ATP6V1E2: variants seen among roughly 807,000 people sequenced by gnomAD.
The protein encoded by ATP6V1E2 is V-type proton ATPase subunit E 2.
For missense variants in ATP6V1E2, 308 were observed against 273.3 expected (o/e 1.13, Z -0.90); for synonymous variants, 121 against 104.2 (o/e 1.16, Z -0.98).
intron 2 of ATP6V1E2, among the ~76,000 whole-genome samples, chr2:46,540,816 A>C (rs1667718007): frequency 6.6e-6 from 1 of 152,022 alleles, no homozygotes; most frequent in South Asian, 2.1e-4. Flanking sequence ...TATTCCTGGC[A>C]GTCAGTTTTG....
chr2:46,527,240 G>C (rs959626865), intron 4 of ATP6V1E2, among the ~76,000 whole-genome samples: 3 of 151,664 alleles, frequency 2.0e-5, no homozygotes, highest in African/African-American at 7.3e-5. Flanking sequence ...ATTTATTTTT[G>C]AGACAGAGTC....
At chr2:46,517,685 A>T (rs1376303039) in intron 4 of ATP6V1E2, among the ~76,000 whole-genome samples, 1 of 152,270 alleles carries the variant, frequency 6.6e-6, no homozygotes, top group Non-Finnish European at 1.5e-5. Context: ...AAAACACCTG[A>T]GTAGACATTT....
At chr2:46,532,827 T>C (rs75795221) in intron 4 of ATP6V1E2, among the ~76,000 whole-genome samples, 137 of 152,300 alleles carry the variant, frequency 9.0e-4, no homozygotes, top group African/African-American at 3.0e-3. Context: ...TGAACTTTTA[T>C]TATTTATGAA....
intron 4 of ATP6V1E2, among the ~76,000 whole-genome samples, chr2:46,524,950 C>T (rs1020580977): frequency 6.6e-6 from 1 of 152,114 alleles, no homozygotes. Flanking sequence ...GCTGTACCTT[C>T]GCCAAACCTG....
At chr2:46,514,633 A>G (rs1687632017) in intron 4 of ATP6V1E2, among the ~76,000 whole-genome samples, 1 of 152,170 alleles carries the variant, frequency 6.6e-6, no homozygotes, top group Non-Finnish European at 1.5e-5. Flanking sequence ...AGAATGAGAA[A>G]GAGTAAAGAA....
At chr2:46,542,005 CTGGTGTGTGTG>C (rs1667803468) in intron 1 of ATP6V1E2, 1 of 152,206 alleles carries the variant, frequency 6.6e-6, no homozygotes, top group African/African-American at 2.4e-5. Context: ...CTTTTTCTGG[CTGGTGTGTGTG>C]TGGAGGGGCG....
chr2:46,535,386 T>A lies in ATP6V1E2; in HGVS notation c.-102+427A>T, dbSNP rs192027657. 392 of 152,262 alleles carry A rather than the reference T, an allele frequency of 2.6e-3. 2 individuals are homozygous for A. Among genetic ancestry groups the A allele is most frequent in the African/African-American group, 7.8e-3 (324 of 41,526 alleles). 9.4% of individuals were successfully genotyped at this position (152,262 alleles called of 1,614,324 possible). A position where few individuals can be genotyped will look rare whatever the true frequency, so the allele number is the denominator to read the frequency against. ...CCTGGGTTGCAAGCAACAGAAGCTG[T>A]TTGTGGCTGATTAAACAGAAAGAAA... On this transcript the variant is annotated intron_variant, in intron 4 of 4. Coordinates refer to ENST00000522587, the MANE Select transcript of ATP6V1E2 (RefSeq NM_001318063.2). The surrounding 1 kb of genome is among the most constrained non-coding windows in gnomAD (Gnocchi z 4.4).
chr2:46,518,758 T>TTTTGTGTGTG (rs71394897), intron 4 of ATP6V1E2, among the ~76,000 whole-genome samples: 1 of 140,622 alleles, frequency 7.1e-6, no homozygotes, highest in African/African-American at 2.7e-5. Flanking sequence ...CAAGTCAATT[T>TTTTGTGTGTG]TGTGTGTGTG....
Position 46,532,191 on chromosome 2 carries a change from T to C in ATP6V1E2, c.-102+3622A>G, listed in dbSNP as rs868066609. Among the ~76,000 whole-genome samples the C allele has an allele frequency of 1.7e-4, 26 of 152,322 alleles. No homozygotes were observed. In the Middle Eastern group the frequency reaches 0.014, roughly 80 times the overall value. ...TTCATTTTGAGTAAATGTCTGTATATGTTGAGAGGGAAAGATCCAGACTCA... is the reference window on the plus strand; with the variant it reads ...TTCATTTTGAGTAAATGTCTGTATACGTTGAGAGGGAAAGATCCAGACTCA... On this transcript the variant is annotated intron_variant, in intron 4 of 4. Transcript: ENST00000522587.
intron 4 of ATP6V1E2, chr2:46,519,824 A>C (rs4952830): frequency 6.6e-6 from 1 of 151,964 alleles, no homozygotes; most frequent in Non-Finnish European, 1.5e-5. Flanking sequence ...CTCACTCTTC[A>C]TCATAGTTGT....
chr2:46,537,376 C>G (rs1244938436), intron 2 of ATP6V1E2: 1 of 152,230 alleles, frequency 6.6e-6, no homozygotes, highest in Non-Finnish European at 1.5e-5. Context: ...TACTACCCAC[C>G]ATGACTGGTT....
At chr2:46,526,821 T>A (rs1308250444) in intron 4 of ATP6V1E2, among the ~76,000 whole-genome samples, 1 of 152,216 alleles carries the variant, frequency 6.6e-6, no homozygotes, top group African/African-American at 2.4e-5. Context: ...CTGTTGTGAA[T>A]AATGCTGCTA....
intron 4 of ATP6V1E2, among the ~76,000 whole-genome samples, chr2:46,518,471 T>C (rs554454359): frequency 5.1e-5 from 6 of 117,902 alleles, no homozygotes; most frequent in Non-Finnish European, 1.1e-4. Context: ...TCTTAAACAT[T>C]TGTTACACAC....
In ATP6V1E2 at chr2:46,517,778, A is replaced by G. The variant is rs118046777; in HGVS notation, c.-101-4966T>C. Among the ~76,000 whole-genome samples the G allele has an allele frequency of 1.2e-4, 19 of 152,340 alleles. No individual in the cohort carries two copies. The East Asian group carries it at 3.7e-3, about 29-fold the overall frequency. On this transcript the variant is annotated intron_variant, in intron 4 of 4. Coordinates refer to ENST00000522587, the MANE Select transcript of ATP6V1E2 (RefSeq NM_001318063.2). ...CAATCATCAAGTAAATGCAAAGCAAAAGCACAATGAGATATCACTTTACTC... is the reference window on the plus strand; with the variant it reads ...CAATCATCAAGTAAATGCAAAGCAAGAGCACAATGAGATATCACTTTACTC...
intron 4 of ATP6V1E2, among the ~76,000 whole-genome samples, chr2:46,534,133 T>C (rs1667326608): frequency 6.6e-6 from 1 of 152,212 alleles, no homozygotes; most frequent in South Asian, 2.1e-4. Context: ...ATTTGGGACT[T>C]GTTTTTGGCC....
At chr2:46,522,644 A>G (rs911747106) in intron 4 of ATP6V1E2, among the ~76,000 whole-genome samples, 2 of 152,098 alleles carry the variant, frequency 1.3e-5, no homozygotes, top group African/African-American at 2.4e-5. Flanking sequence ...TCTATCACTG[A>G]TGGGCATTTG....
chr2:46,512,001 G>C lies in ATP6V1E2; in HGVS notation c.*30C>G. On this transcript the variant is annotated 3_prime_UTR_variant, in exon 5 of 5. Transcript: ENST00000522587. The stretch of plus-strand genomic sequence containing the variant: ...AAAACTTAAACTTTTATGGTTTAGT[G>C]GTTCAACACTAGCTTCACTTCCCAG... The C allele has an allele frequency of 6.5e-7, 1 of 1,528,380 alleles. No homozygotes were observed. The highest frequency in any genetic ancestry group is 8.8e-7 in the Non-Finnish European group (1 of 1,140,864). 94.7% of individuals were successfully genotyped at this position (1,528,380 alleles called of 1,614,324 possible).
At chr2:46,515,284 A>C (rs1208230909) in intron 4 of ATP6V1E2, among the ~76,000 whole-genome samples, 1 of 152,248 alleles carries the variant, frequency 6.6e-6, no homozygotes, top group African/African-American at 2.4e-5. Context: ...TAGAAGTTAA[A>C]AGGCAAAAGT....
chr2:46,540,846 G>T (rs1667718967), intron 2 of ATP6V1E2, among the ~76,000 whole-genome samples: 1 of 152,074 alleles, frequency 6.6e-6, no homozygotes, highest in Non-Finnish European at 1.5e-5. Flanking sequence ...TGGGCCAAAA[G>T]AATGAGGTCA....
Sources: allele counts gnomAD v4.1 joint callset (sites outside exome capture counted in the v4.1 genomes callset), GRCh38; gene constraint gnomAD v4.1.1; non-coding constraint Gnocchi (gnomAD v3.1); transcripts MANE v1.5; gene names NCBI Gene and HGNC (gene_info 2026-07-23, HGNC 2026-07-21).